The following PLPP1 variants were observed in gnomAD, a reference collection of about 807,000 sequenced individuals.
PLPP1 encodes the protein phospholipid phosphatase 1.
Under a neutral mutation model 31.2 loss-of-function variants are expected in PLPP1, and 24 were observed. That is an observed-to-expected ratio of 0.77 (90% CI 0.56 to 1.08). The LOEUF is 1.08. PLPP1 is among the 50% of genes least tolerant of loss of function. The pLI, the probability that PLPP1 is intolerant of heterozygous loss-of-function variation, is 0.00. For missense variants in PLPP1, 319 were observed against 342.7 expected (o/e 0.93, Z 0.55); for synonymous variants, 146 against 126.3 (o/e 1.16, Z -1.05).
chr5:55,441,179 C>T (rs1751612294), intron 4 of PLPP1, among the ~76,000 whole-genome samples: 1 of 152,180 alleles, frequency 6.6e-6, no homozygotes, highest in Admixed American at 6.5e-5. Flanking sequence ...CAAAAAACTA[C>T]ATATTCATCT....
At chr5:55,512,229 GGGAGGCTGA>G (rs1753430530) in intron 1 of PLPP1, among the ~76,000 whole-genome samples, 1 of 151,982 alleles carries the variant, frequency 6.6e-6, no homozygotes, top group Non-Finnish European at 1.5e-5. Flanking sequence ...CCAGCAATTT[GGGAGGCTGA>G]GGTGGGTGGA....
intron 1 of PLPP1, among the ~76,000 whole-genome samples, chr5:55,493,872 T>C (rs1579962834): frequency 7.5e-6 from 1 of 133,442 alleles, no homozygotes; most frequent in African/African-American, 2.9e-5. Context: ...AGAGCGAGAC[T>C]CCATCTCAAA....
chr5:55,479,687 G>A (rs1752632085), intron 1 of PLPP1, among the ~76,000 whole-genome samples: 1 of 152,196 alleles, frequency 6.6e-6, no homozygotes, highest in Non-Finnish European at 1.5e-5. Flanking sequence ...AAAGGCCTCA[G>A]TGATCTTGCT....
rs565070014 is a variant in PLPP1 at position 55,519,336 on chromosome 5, T to C, written c.58+15236A>G. ...ATTTAAAACTCCTTTCTCTTATCCA[T>C]GCCCTTTGAAAAATAGTAAAATACA... On this transcript the variant is annotated intron_variant, in intron 1 of 5. Transcript: ENST00000307259. Among the ~76,000 whole-genome samples the C allele has an allele frequency of 4.6e-5, 7 of 152,344 alleles. No homozygotes were observed. In the South Asian group the frequency reaches 1.4e-3, roughly 32 times the overall value.
chr5:55,513,625 A>G (rs906270261), intron 1 of PLPP1, among the ~76,000 whole-genome samples: 8 of 152,142 alleles, frequency 5.3e-5, no homozygotes, highest in African/African-American at 1.7e-4. Flanking sequence ...TAAAAATTCT[A>G]GGGTAATCAA....
chr5:55,510,143 G>A (rs1433978784), intron 1 of PLPP1, among the ~76,000 whole-genome samples: 1 of 152,102 alleles, frequency 6.6e-6, no homozygotes, highest in Non-Finnish European at 1.5e-5. Flanking sequence ...TGGAACTAGG[G>A]TTAGAAGTGA....
chr5:55,523,314 A>G (rs1373670097), intron 1 of PLPP1, among the ~76,000 whole-genome samples: 1 of 152,138 alleles, frequency 6.6e-6, no homozygotes, highest in African/African-American at 2.4e-5. Context: ...ACTATCAAAT[A>G]CTAGATCTTA....
intron 1 of PLPP1, among the ~76,000 whole-genome samples, chr5:55,526,080 T>A (rs10061435): frequency 0.14 from 20,955 of 148,540 alleles, 1,524 homozygotes; most frequent in African/African-American, 0.19. Flanking sequence ...CTTCTTTTTT[T>A]AAAAAAAAAA....
rs1554037412 is a variant in PLPP1, at chr5:55,444,743, T to TTG, written c.492-2837_492-2836dup. On this transcript the variant is annotated intron_variant, in intron 3 of 5. Transcript: ENST00000307259. Reference sequence around the variant, plus strand: ...AAATCACTATGAATGGGATTCTATTTTGTGTGTGTGTGTGTGTGTGTGTGT... The same window carrying TTG: ...AAATCACTATGAATGGGATTCTATTTTGTGTGTGTGTGTGTGTGTGTGTGTGT... 3.1e-3 allele frequency among the ~76,000 whole-genome samples: 424 copies of TTG among 137,376 alleles called. 2 individuals are homozygous for TTG. The highest frequency in any genetic ancestry group is 9.4e-3 in the East Asian group (45 of 4,810). The allele number at this position is 137,376 out of a possible 152,430, so 90.1% of individuals were successfully genotyped here.
chr5:55,497,687 A>T (rs1753032326), intron 1 of PLPP1, among the ~76,000 whole-genome samples: 1 of 152,140 alleles, frequency 6.6e-6, no homozygotes, highest in Admixed American at 6.5e-5. Flanking sequence ...TAGCACCCCC[A>T]AACTGGGTAA....
At chr5:55,501,313 CA>C (rs940282450) in intron 1 of PLPP1, among the ~76,000 whole-genome samples, 1 of 151,156 alleles carries the variant, frequency 6.6e-6, no homozygotes, top group East Asian at 1.9e-4. Context: ...GACTCCGTCT[CA>C]AAAAAAACAA....
intron 1 of PLPP1, among the ~76,000 whole-genome samples, chr5:55,487,504 G>A (rs1019424981): frequency 6.6e-6 from 1 of 151,164 alleles, no homozygotes; most frequent in African/African-American, 2.4e-5. Context: ...CACCTTTTTG[G>A]ATAGCTAAAG....
chr5:55,456,912 A>G (rs1752025375), intron 3 of PLPP1, among the ~76,000 whole-genome samples: 1 of 152,164 alleles, frequency 6.6e-6, no homozygotes, highest in Non-Finnish European at 1.5e-5. Flanking sequence ...CTATAATCCC[A>G]GCACTTTGGG....
In PLPP1 at chr5:55,425,136, T is replaced by G. The variant is rs1751138460; in HGVS notation, c.*70A>C. On this transcript the variant is annotated 3_prime_UTR_variant, in exon 6 of 6. Transcript: ENST00000307259. Reference sequence around the variant, plus strand: ...CTTGTACACCAGGAAGAAAGATGCATCCTCTTGCCTTGTGGCAATCATTTT... The same window carrying G: ...CTTGTACACCAGGAAGAAAGATGCAGCCTCTTGCCTTGTGGCAATCATTTT... 4 of 1,530,518 alleles carry G rather than the reference T, an allele frequency of 2.6e-6. No homozygotes were observed. The highest frequency in any genetic ancestry group is 1.4e-5 in the African/African-American group (1 of 71,778). 94.8% of individuals were successfully genotyped at this position (1,530,518 alleles called of 1,614,324 possible).
intron 1 of PLPP1, among the ~76,000 whole-genome samples, chr5:55,511,243 G>A (rs1183438244): frequency 6.6e-6 from 1 of 152,166 alleles, no homozygotes; most frequent in Non-Finnish European, 1.5e-5. Flanking sequence ...AAAGGACAGA[G>A]TACAATGAGA....
intron 1 of PLPP1, among the ~76,000 whole-genome samples, chr5:55,503,787 A>AGAGGAAGGG (rs1267850651): frequency 1.7e-5 from 2 of 120,372 alleles, no homozygotes; most frequent in Non-Finnish European, 3.5e-5. Context: ...AAAACGAAGG[A>AGAGGAAGGG]GAGGAAGGGG....
At chr5:55,481,174 G>A (rs1207436776) in intron 1 of PLPP1, among the ~76,000 whole-genome samples, 1 of 152,102 alleles carries the variant, frequency 6.6e-6, no homozygotes, top group Non-Finnish European at 1.5e-5. Context: ...CAAATGCTCA[G>A]GATCTTGGAA....
rs932346308 is a variant in PLPP1 at position 55,488,269 on chromosome 5, T to TA, written c.59-12820dup. ...CTGCTTGATATTATAATACTATAAC[T>TA]AAAAAAAAAAAAATTGTTATAAAGA... On this transcript the variant is annotated intron_variant, in intron 1 of 5. Transcript: ENST00000307259. Among the ~76,000 whole-genome samples the TA allele has an allele frequency of 1.1e-3, 160 of 140,202 alleles. 1 individual carries two copies. Among genetic ancestry groups the TA allele is most frequent in the East Asian group, 2.0e-3 (10 of 4,890 alleles). The allele number at this position is 140,202 out of a possible 152,430, so 92.0% of individuals were successfully genotyped here.
chr5:55,497,261 T>A (rs1753022100), intron 1 of PLPP1, among the ~76,000 whole-genome samples: 1 of 151,924 alleles, frequency 6.6e-6, no homozygotes, highest in Non-Finnish European at 1.5e-5. Flanking sequence ...ATTTTTTTTT[T>A]AAGAGACTGG....
Sources: allele counts gnomAD v4.1 joint callset (sites outside exome capture counted in the v4.1 genomes callset), GRCh38; gene constraint gnomAD v4.1.1; transcripts MANE v1.5; gene names NCBI Gene and HGNC (gene_info 2026-07-23, HGNC 2026-07-21).